CDH18: variants seen among roughly 807,000 people sequenced by gnomAD.
The protein encoded by CDH18 is cadherin-18.
Under a neutral mutation model 67.9 loss-of-function variants are expected in CDH18, and 31 were observed. That is an observed-to-expected ratio of 0.46 (90% CI 0.34 to 0.62). The LOEUF (loss-of-function observed/expected upper bound fraction) is 0.62, where lower values mean the gene tolerates loss of function less well. CDH18 is among the 20% of genes least tolerant of loss of function. The pLI, the probability that CDH18 is intolerant of heterozygous loss-of-function variation, is 0.01. For synonymous variants in CDH18, 362 were observed against 347.2 expected, an observed-to-expected ratio of 1.04 and a Z score of -0.48; for missense variants, 890 against 975.5, an observed-to-expected ratio of 0.91 and a Z score of 1.17.
At chr5:19,600,930 ATAAG>A (rs1257256752) in intron 6 of CDH18, among the ~76,000 whole-genome samples, 1 of 152,220 alleles carries the variant, frequency 6.6e-6, no homozygotes, top group African/African-American at 2.4e-5. Flanking sequence ...CAGAGTTTTT[ATAAG>A]TTTAGCTCAG....
intron 7 of CDH18, among the ~76,000 whole-genome samples, chr5:19,586,072 G>T (rs1744089143): frequency 6.6e-6 from 1 of 152,102 alleles, no homozygotes; most frequent in South Asian, 2.1e-4. Context: ...GGACAATTAT[G>T]GGTATATTAA....
chr5:19,560,409 A>G (rs1294238899), intron 8 of CDH18, among the ~76,000 whole-genome samples: 1 of 152,016 alleles, frequency 6.6e-6, no homozygotes. Flanking sequence ...GTAAAGTGGG[A>G]AAAAGATACC....
intron 1 of CDH18, among the ~76,000 whole-genome samples, chr5:20,326,542 T>G (rs188557068): frequency 0.014 from 2,104 of 148,974 alleles, 35 homozygotes; most frequent in African/African-American, 0.049. Context: ...ATTTACTTTT[T>G]TTTTTTTTTT....
In CDH18 at chr5:19,917,892, CT is replaced by C. The variant is rs534152701; in HGVS notation, c.-257+63167del. Reference sequence around the variant, plus strand: ...AGCACAACAAATTTGAATTATACCTCTACGACAGATAAGTAGTAATAAATCC... The same window carrying C: ...AGCACAACAAATTTGAATTATACCTCACGACAGATAAGTAGTAATAAATCC... On this transcript the variant is annotated intron_variant, in intron 2 of 12. Coordinates refer to ENST00000382275, the MANE Select transcript of CDH18 (RefSeq NM_004934.5). Among the ~76,000 whole-genome samples, 8 of 152,244 alleles carry C rather than the reference CT, an allele frequency of 5.3e-5. No individual in the cohort carries two copies. In the South Asian group the frequency reaches 1.7e-3, roughly 32 times the overall value.
At chr5:19,979,413 G>A (rs561553841) in intron 2 of CDH18, among the ~76,000 whole-genome samples, 33 of 152,028 alleles carry the variant, frequency 2.2e-4, no homozygotes, top group Non-Finnish European at 3.1e-4. Flanking sequence ...TTATATCTCG[G>A]TTCCTAATGA....
At chr5:20,275,514 G>A (rs1745741904) in intron 1 of CDH18, among the ~76,000 whole-genome samples, 1 of 152,142 alleles carries the variant, frequency 6.6e-6, no homozygotes, top group Non-Finnish European at 1.5e-5. Context: ...TGTGAAAACT[G>A]ACTAATACGC....
intron 5 of CDH18, 70 bp from the exon 6 acceptor site, chr5:19,612,671 C>A: frequency 8.8e-7 from 1 of 1,136,870 alleles, no homozygotes; most frequent in Non-Finnish European, 1.3e-6. Context: ...CATACACATA[C>A]ATATTTTAAG....
At chr5:19,622,853 C>T (rs1053233127) in intron 5 of CDH18, among the ~76,000 whole-genome samples, 2 of 152,170 alleles carry the variant, frequency 1.3e-5, no homozygotes, top group Non-Finnish European at 2.9e-5. Flanking sequence ...GTATTCCAAA[C>T]CAACGTCATA....
intron 11 of CDH18, among the ~76,000 whole-genome samples, chr5:19,495,200 T>A (rs376657508): frequency 3.3e-5 from 5 of 152,286 alleles, no homozygotes; most frequent in African/African-American, 1.2e-4. Flanking sequence ...TAACCCAATT[T>A]AATTAAATTT....
intron 2 of CDH18, among the ~76,000 whole-genome samples, chr5:20,164,245 T>C (rs1469958726): frequency 6.6e-6 from 1 of 152,204 alleles, no homozygotes; most frequent in Admixed American, 6.5e-5. Context: ...AGCTAGTTTC[T>C]TAAATATCTT....
chr5:19,473,155 C>G lies in CDH18; in HGVS notation c.*71G>C, dbSNP rs1737815181. On this transcript the variant is annotated 3_prime_UTR_variant, in exon 13 of 13. Coordinates refer to ENST00000382275, the MANE Select transcript of CDH18 (RefSeq NM_004934.5). ...CCAAGTACTGTTTCCACACTTCTTC[C>G]TTGTCATTGCTGAGGTTGTATATCC... is the stretch of plus-strand genomic sequence containing the variant. 1 of 1,551,038 alleles carries G rather than the reference C, an allele frequency of 6.4e-7. No homozygotes were observed. The highest frequency in any genetic ancestry group is 1.4e-5 in the African/African-American group (1 of 73,038).
chr5:20,065,174 T>C (rs1325281310), intron 2 of CDH18, among the ~76,000 whole-genome samples: 1 of 151,856 alleles, frequency 6.6e-6, no homozygotes, highest in African/African-American at 2.4e-5. Flanking sequence ...TTATTATAAG[T>C]TAAGTTTAAA....
At chr5:19,660,087 T>G (rs1756952941) in intron 5 of CDH18, among the ~76,000 whole-genome samples, 1 of 152,140 alleles carries the variant, frequency 6.6e-6, no homozygotes, top group Admixed American at 6.6e-5. Flanking sequence ...TCTAAGCATT[T>G]AAGCCATTCT....
intron 2 of CDH18, among the ~76,000 whole-genome samples, chr5:19,911,012 A>T (rs898104609): frequency 2.0e-5 from 3 of 152,006 alleles, no homozygotes; most frequent in African/African-American, 7.2e-5. Flanking sequence ...GTAGGGGAAA[A>T]TTTTCAGGTA....
chr5:20,344,924 A>G (rs2150048733), intron 1 of CDH18, among the ~76,000 whole-genome samples: 1 of 152,248 alleles, frequency 6.6e-6, no homozygotes, highest in Non-Finnish European at 1.5e-5. Context: ...GTGTCATTGC[A>G]TTTGTTCTAA....
intron 1 of CDH18, among the ~76,000 whole-genome samples, chr5:20,272,976 T>C (rs1480152926): frequency 1.3e-5 from 2 of 152,058 alleles, no homozygotes; most frequent in African/African-American, 4.8e-5. Context: ...ACACTAAGAA[T>C]AAACTAGTGA....
intron 1 of CDH18, among the ~76,000 whole-genome samples, chr5:20,490,793 C>G (rs984487422): frequency 6.6e-6 from 1 of 152,092 alleles, no homozygotes; most frequent in African/African-American, 2.4e-5. Flanking sequence ...ACCATTCTAA[C>G]CTCCTAAGGT....
intron 2 of CDH18, among the ~76,000 whole-genome samples, chr5:20,177,125 C>G (rs972464520): frequency 2.6e-5 from 4 of 152,056 alleles, no homozygotes; most frequent in Non-Finnish European, 4.4e-5. Flanking sequence ...TAATATTTGA[C>G]TTGTGAGGCA....
chr5:20,180,690 G>A (rs762835702), intron 2 of CDH18, among the ~76,000 whole-genome samples: 20 of 152,032 alleles, frequency 1.3e-4, no homozygotes, highest in Non-Finnish European at 2.6e-4. Context: ...AATAGTAAGT[G>A]CTGGTATATC....
Sources: gnomAD v4.1 joint callset for allele counts (sites outside exome capture counted in the v4.1 genomes callset) on GRCh38, gnomAD v4.1.1 for gene constraint, MANE v1.5 for transcripts, NCBI Gene and HGNC (gene_info 2026-07-23, HGNC 2026-07-21) for gene names.